Variants in CEP83 observed in about 807,000 individuals in gnomAD.
The protein encoded by CEP83 is centrosomal protein 83.
CEP83 carries 70 observed loss-of-function variants against 101.9 expected under a neutral mutation model. That is an observed-to-expected ratio of 0.69 (90% CI 0.57 to 0.84). The LOEUF (loss-of-function observed/expected upper bound fraction) is 0.84. Among genes scored for constraint, CEP83 ranks in the 40% least tolerant of loss-of-function variants. CEP83 has a pLI of 0.00. For synonymous variants in CEP83, 264 were observed against 267.9 expected, an observed-to-expected ratio of 0.99 and a Z score of 0.14; for missense variants, 715 against 787.2, an observed-to-expected ratio of 0.91 and a Z score of 1.10.
chr12:94,327,550 T>C (rs1593173722), intron 14 of CEP83, among the ~76,000 whole-genome samples: 1 of 152,238 alleles, frequency 6.6e-6, no homozygotes, highest in East Asian at 1.9e-4. Flanking sequence ...GTCTACGTCA[T>C]GTCTACATGG....
chr12:94,391,825 G>T (rs888057616), intron 6 of CEP83, among the ~76,000 whole-genome samples: 2 of 151,934 alleles, frequency 1.3e-5, no homozygotes, highest in African/African-American at 4.8e-5. Flanking sequence ...AAAAAAGCAG[G>T]GGTTGAAATC....
At chr12:94,376,418 T>G (rs1281883250) in intron 7 of CEP83, among the ~76,000 whole-genome samples, 1 of 151,798 alleles carries the variant, frequency 6.6e-6, no homozygotes, top group Non-Finnish European at 1.5e-5. Context: ...TCATTGATAG[T>G]AACAAGTAAA....
At chr12:94,424,463 T>A in intron 2 of CEP83, 19 of 1,614,026 alleles carry the variant, frequency 1.2e-5, no homozygotes, top group Non-Finnish European at 1.6e-5. Context: ...CCCACTGGTA[T>A]CTCGAAGGAT....
intron 1 of CEP83, among the ~76,000 whole-genome samples, chr12:94,438,401 A>G (rs2138326252): frequency 6.6e-6 from 1 of 152,354 alleles, no homozygotes; most frequent in East Asian, 1.9e-4. Context: ...AGCTATTCTT[A>G]TATCAGACAA....
chr12:94,283,835 G>T, the CEP83 span, among the ~76,000 whole-genome samples: 10 of 152,240 alleles, frequency 6.6e-5, no homozygotes, highest in African/African-American at 2.4e-4. Context: ...TGTAATCCCA[G>T]CACTTCGGGA....
chr12:94,334,236 G>A (rs2059361052), intron 12 of CEP83, among the ~76,000 whole-genome samples: 1 of 152,144 alleles, frequency 6.6e-6, no homozygotes, highest in South Asian at 2.1e-4. Flanking sequence ...GATGCTCTGG[G>A]AAATCTAATA....
intron 6 of CEP83, among the ~76,000 whole-genome samples, chr12:94,382,379 C>T (rs762137391): frequency 1.3e-5 from 2 of 151,082 alleles, no homozygotes; most frequent in Non-Finnish European, 3.0e-5. Context: ...CTTCTGCTTG[C>T]TTTACTTTTA....
At chr12:94,421,706 C>T (rs74943822) in intron 2 of CEP83, among the ~76,000 whole-genome samples, 4,243 of 152,204 alleles carry the variant, frequency 0.028, 213 homozygotes, top group African/African-American at 0.097. Context: ...AAAGAATGTA[C>T]GGTACTTACA....
At chr12:94,285,814 G>A in the CEP83 span, among the ~76,000 whole-genome samples, 1 of 152,160 alleles carries the variant, frequency 6.6e-6, no homozygotes, top group South Asian at 2.1e-4. Flanking sequence ...TGAGTTAGGA[G>A]GGGACACAGA....
intron 11 of CEP83, among the ~76,000 whole-genome samples, chr12:94,346,328 T>C (rs1227595439): frequency 2.0e-5 from 3 of 151,876 alleles, no homozygotes; most frequent in Admixed American, 2.0e-4. Context: ...GCTGGGATTA[T>C]AGGCGTGGGC....
intron 1 of CEP83, among the ~76,000 whole-genome samples, chr12:94,449,498 T>C (rs992045448): frequency 1.3e-5 from 2 of 151,772 alleles, no homozygotes; most frequent in Non-Finnish European, 2.9e-5. Flanking sequence ...GGCTTAAGCC[T>C]GTAGTCCCAG....
intron 11 of CEP83, among the ~76,000 whole-genome samples, chr12:94,338,572 G>A (rs1323374373): frequency 6.6e-6 from 1 of 151,982 alleles, no homozygotes; most frequent in African/African-American, 2.4e-5. Context: ...CAGGGGGAGA[G>A]GCATTAAAAA....
At chr12:94,375,532 A>G (rs2061489221) in intron 8 of CEP83, among the ~76,000 whole-genome samples, 1 of 152,256 alleles carries the variant, frequency 6.6e-6, no homozygotes, top group African/African-American at 2.4e-5. Flanking sequence ...TTAGCAACCT[A>G]GCACAGAAAT....
intron 11 of CEP83, among the ~76,000 whole-genome samples, chr12:94,343,537 C>T (rs576597764): frequency 1.5e-5 from 2 of 131,964 alleles, no homozygotes; most frequent in Non-Finnish European, 3.1e-5. Flanking sequence ...GGCCGGACTG[C>T]GGACTGCAGT....
downstream of CEP83, chr12:94,307,118 C>CAGT (rs1311215976): frequency 6.6e-6 from 1 of 152,226 alleles, no homozygotes; most frequent in Non-Finnish European, 1.5e-5. Context: ...CTAAATGCTA[C>CAGT]ATGAGGGTGT....
intron 11 of CEP83, 103 bp from the exon 12 acceptor site, chr12:94,335,767 C>T: frequency 1.4e-6 from 1 of 727,616 alleles, no homozygotes; most frequent in African/African-American, 1.9e-5. Flanking sequence ...GACACCAGAG[C>T]ACAAACACAA....
intron 2 of CEP83, among the ~76,000 whole-genome samples, chr12:94,431,755 T>G (rs944595797): frequency 6.6e-5 from 10 of 152,156 alleles, no homozygotes; most frequent in Admixed American, 6.5e-4. Flanking sequence ...TTATCCCAAT[T>G]AGAATGGCTA....
chr12:94,298,864 T>A, the CEP83 span: 3 of 1,392,640 alleles, frequency 2.2e-6, no homozygotes, highest in Non-Finnish European at 3.0e-6. Flanking sequence ...AAGAAAGACA[T>A]AGATAGTTAT....
At chr12:94,321,691 C>T (rs2058751342) in intron 14 of CEP83, among the ~76,000 whole-genome samples, 1 of 151,978 alleles carries the variant, frequency 6.6e-6, no homozygotes, top group Non-Finnish European at 1.5e-5. Flanking sequence ...CCCCTGGTCC[C>T]CACAGACTCT....
Sources: allele counts gnomAD v4.1 joint callset (sites outside exome capture counted in the v4.1 genomes callset), GRCh38; gene constraint gnomAD v4.1.1; transcripts MANE v1.5; gene names NCBI Gene and HGNC (gene_info 2026-07-23, HGNC 2026-07-21).